The following ZNF512 variants were observed in gnomAD, a reference collection of about 807,000 sequenced individuals.
ZNF512 encodes the protein zinc finger protein 512.
ZNF512 carries 25 observed loss-of-function variants against 77.5 expected under a neutral mutation model. The ratio of observed to expected loss-of-function variants is 0.32; its 90% CI spans 0.23 to 0.45. The LOEUF is 0.45. Ranked by LOEUF, ZNF512 falls within the 20% of genes least tolerant of loss-of-function variation. The probability of loss-of-function intolerance (pLI) is 1.00; values close to 1 mark genes in which losing one functional copy is unlikely to be tolerated. For missense variants in ZNF512, 483 were observed against 692.6 expected (o/e 0.70, Z 3.40); for synonymous variants, 246 against 239.9 (o/e 1.03, Z -0.24).
rs1336036348 is a variant in ZNF512, at chr2:27,621,739, C to T, written c.*278C>T. 1.6e-5 allele frequency: 5 copies of T among 309,646 alleles called. No individual in the cohort carries two copies. Among genetic ancestry groups the T allele is most frequent in the South Asian group, 4.6e-5 (1 of 21,764 alleles). The allele number at this position is 309,646 out of a possible 1,614,324, so 19.2% of individuals were successfully genotyped here. ...CAAGGCCAACTATAGGCTCCTCTTG[C>T]CCTGTACAAAACTAAGAAACCTCTT... On this transcript the variant is annotated 3_prime_UTR_variant, in exon 14 of 14. Transcript: ENST00000355467.
chr2:27,604,167 T>C (rs1167980262), intron 9 of ZNF512, among the ~76,000 whole-genome samples: 3 of 152,128 alleles, frequency 2.0e-5, no homozygotes, highest in Non-Finnish European at 4.4e-5. Context: ...TCTCAGGTGA[T>C]CTGCCCACCT....
intron 2 of ZNF512, among the ~76,000 whole-genome samples, chr2:27,588,001 T>A (rs1671415233): frequency 6.6e-6 from 1 of 151,990 alleles, no homozygotes; most frequent in African/African-American, 2.4e-5. Context: ...CTATTCTTAT[T>A]GGCCATTTGT....
intron 10 of ZNF512, among the ~76,000 whole-genome samples, chr2:27,614,600 C>T (rs1248117072): frequency 1.3e-5 from 2 of 151,698 alleles, no homozygotes; most frequent in Non-Finnish European, 2.9e-5. Flanking sequence ...ATGGCGTGAA[C>T]CCAGGAGGCG....
At chr2:27,591,677 G>A (rs565838880) in intron 2 of ZNF512, among the ~76,000 whole-genome samples, 97 of 152,298 alleles carry the variant, frequency 6.4e-4, no homozygotes, top group African/African-American at 2.2e-3. Context: ...CCAAAGTGTC[G>A]GGATTACAGG....
At chr2:27,588,263 G>A (rs996688845) in intron 2 of ZNF512, among the ~76,000 whole-genome samples, 11 of 151,830 alleles carry the variant, frequency 7.2e-5, no homozygotes, top group African/African-American at 2.7e-4. Flanking sequence ...CCTGGAGGTC[G>A]TAGCGAGTCA....
At chr2:27,619,371 C>T (rs1572939549) in intron 13 of ZNF512, among the ~76,000 whole-genome samples, 1 of 151,938 alleles carries the variant, frequency 6.6e-6, no homozygotes. Context: ...CCACTGCACT[C>T]CAGCCTGGGC....
At chr2:27,607,533 A>G (rs534570981) in intron 9 of ZNF512, among the ~76,000 whole-genome samples, 2 of 151,932 alleles carry the variant, frequency 1.3e-5, no homozygotes, top group Admixed American at 6.6e-5. Flanking sequence ...ATGCCAAGCT[A>G]ATTTTTATGT....
chr2:27,600,707 A>G lies in ZNF512; in HGVS notation c.474A>G (p.Gln158=), dbSNP rs755519958. ...CCTTTGTAGGCAGTTTGGAGGAGCA[A>G]TGGTACTTAGAAATCGTTGATAAAG... is the stretch of plus-strand genomic sequence containing the variant. The part of the protein sequence containing the change: ...PVYAAGSLEE[Q]WYLEIVDKGS... Residue 158 remains glutamine, a synonymous_variant, in exon 6 of 14, where the codon CAA becomes CAG. Transcript: ENST00000355467. 44 of 1,613,740 alleles carry G rather than the reference A, an allele frequency of 2.7e-5. No homozygotes were observed. Among genetic ancestry groups the G allele is most frequent in the Middle Eastern group, 1.6e-4 (1 of 6,084 alleles).
chr2:27,608,179 A>C (rs1411954388), intron 10 of ZNF512, 140 bp downstream of exon 10: 25 of 765,358 alleles, frequency 3.3e-5, no homozygotes, highest in Middle Eastern at 6.9e-4. Context: ...AGTACATCTG[A>C]TCTAGCTTCG....
In ZNF512 at chr2:27,603,332, C is replaced by T. The variant is rs527254773; in HGVS notation, c.936+25C>T. ...TGTGAGTACTGATTCCTTTCTATACCCTGCGTGGGGATGTATTTCGTGGTG... is the reference window on the plus strand; with the variant it reads ...TGTGAGTACTGATTCCTTTCTATACTCTGCGTGGGGATGTATTTCGTGGTG... On this transcript the variant is annotated intron_variant, in intron 9 of 13. Coordinates refer to ENST00000355467, the MANE Select transcript of ZNF512 (RefSeq NM_032434.4). The T allele has an allele frequency of 6.8e-6, 11 of 1,610,332 alleles. No individual in the cohort carries two copies. The South Asian group carries it at 1.1e-4, about 16-fold the overall frequency.
chr2:27,597,095 G>A (rs1671904953), intron 2 of ZNF512, among the ~76,000 whole-genome samples: 1 of 152,052 alleles, frequency 6.6e-6, no homozygotes. Flanking sequence ...TCCATAGTAG[G>A]CATCTATCAC....
At position 27,603,586 on chromosome 2, in the gene ZNF512, G is replaced by GTGTGTGTGTGTGTGTGTGTGTGTGTGTA. The variant is rs140043162; in HGVS notation, c.936+280_936+281insGTGTGTGTGTGTGTGTGTGTGTGTGTAT. On this transcript the variant is annotated intron_variant, in intron 9 of 13. Coordinates refer to ENST00000355467, the MANE Select transcript of ZNF512 (RefSeq NM_032434.4). Reference sequence around the variant, plus strand: ...ATATTTTTATATAGTGTGTGTGTGTGTATATTTTTTTTTTTTTTTTTCTTC... The same window carrying GTGTGTGTGTGTGTGTGTGTGTGTGTGTA: ...ATATTTTTATATAGTGTGTGTGTGTGTGTGTGTGTGTGTGTGTGTGTGTGTGTATATATTTTTTTTTTTTTTTTTCTTC... 5.4e-4 allele frequency among the ~76,000 whole-genome samples: 39 copies of GTGTGTGTGTGTGTGTGTGTGTGTGTGTA among 72,482 alleles called. 1 individual carries two copies. The highest frequency in any genetic ancestry group is 6.4e-3 in the Middle Eastern group (1 of 156). The allele number at this position is 72,482 out of a possible 152,430, so 47.6% of individuals were successfully genotyped here. A position where few individuals can be genotyped will look rare whatever the true frequency, so the allele number is the denominator to read the frequency against.
At chr2:27,603,591 T>TGTGTGTGTGTGTGTG (rs772409987) in intron 9 of ZNF512, among the ~76,000 whole-genome samples, 9 of 87,238 alleles carry the variant, frequency 1.0e-4, no homozygotes, top group Admixed American at 6.3e-4. Flanking sequence ...TGTGTGTATA[T>TGTGTGTGTGTGTGTG]TTTTTTTTTT....
rs757797704 is a variant in ZNF512 at position 27,598,294 on chromosome 2, C to T, written c.277+40C>T. ...GTCTTATTCTGAAGACGGGCCACTTCCTAAAGTTATAGTTTGAGATTGTTA... is the reference window on the plus strand; with the variant it reads ...GTCTTATTCTGAAGACGGGCCACTTTCTAAAGTTATAGTTTGAGATTGTTA... On this transcript the variant is annotated intron_variant, in intron 3 of 13. Transcript: ENST00000355467. 3 of 1,567,488 alleles carry T rather than the reference C, an allele frequency of 1.9e-6. No homozygotes were observed. In the East Asian group the frequency reaches 6.8e-5, roughly 35 times the overall value.
In ZNF512 at chr2:27,594,403, C is replaced by T. The variant is rs1671749938; in HGVS notation, c.90-3664C>T. On this transcript the variant is annotated intron_variant, in intron 2 of 13. Transcript: ENST00000355467. ...GTGGCGGCCGGGCAGAGACGCTCCT[C>T]ACCTCCCAGACGGGGTGGCGGCTGG... Among the ~76,000 whole-genome samples the T allele has an allele frequency of 2.1e-5, 3 of 146,282 alleles. No individual in the cohort carries two copies. In the South Asian group the frequency reaches 6.6e-4, roughly 32 times the overall value.
chr2:27,613,530 G>A (rs1452262078), intron 10 of ZNF512, among the ~76,000 whole-genome samples: 1 of 151,546 alleles, frequency 6.6e-6, no homozygotes, highest in East Asian at 1.9e-4. Context: ...ATATACAGTT[G>A]TCCCTCAGTA....
chr2:27,598,364 TC>T (rs1373565561), intron 3 of ZNF512, 110 bp downstream of exon 3: 1 of 1,165,840 alleles, frequency 8.6e-7, no homozygotes, highest in Non-Finnish European at 1.2e-6. Context: ...GCGTGGTGGC[TC>T]ACGCCTGTAA....
chr2:27,603,352 G>T lies in ZNF512; in HGVS notation c.936+45G>T, dbSNP rs191041442. The T allele has an allele frequency of 1.3e-5, 21 of 1,601,534 alleles. No individual in the cohort carries two copies. The East Asian group carries it at 3.1e-4, about 24-fold the overall frequency. On this transcript the variant is annotated intron_variant, in intron 9 of 13. Transcript: ENST00000355467. ...TATACCCTGCGTGGGGATGTATTTC[G>T]TGGTGAGTCCTTACCCCTCTATCTT...
intron 2 of ZNF512, among the ~76,000 whole-genome samples, chr2:27,589,284 A>AATAG (rs1185497013): frequency 1.3e-5 from 2 of 152,152 alleles, no homozygotes. Context: ...CAGTTTATTT[A>AATAG]ATAGATATAG....
Sources: gnomAD v4.1 joint callset for allele counts (sites outside exome capture counted in the v4.1 genomes callset) on GRCh38, gnomAD v4.1.1 for gene constraint, MANE v1.5 for transcripts, NCBI Gene and HGNC (gene_info 2026-07-23, HGNC 2026-07-21) for gene names.